YTHDC2: variants seen among roughly 807,000 people sequenced by gnomAD.
The protein encoded by YTHDC2 is YTH N6-methyladenosine RNA binding protein C2.
In YTHDC2, 45 loss-of-function variants were observed where a neutral mutation model predicts 174.9. The ratio of observed to expected loss-of-function variants is 0.26; its 90% confidence interval spans 0.20 to 0.33. The LOEUF is 0.33. Among genes scored for constraint, YTHDC2 ranks in the 10% least tolerant of loss-of-function variants. The probability of loss-of-function intolerance (pLI) is 1.00; values close to 1 mark genes in which losing one functional copy is unlikely to be tolerated. For synonymous variants in YTHDC2, 657 were observed against 574.5 expected, an observed-to-expected ratio of 1.14 and a Z score of -2.05; for missense variants, 1,650 against 1,723.7, an observed-to-expected ratio of 0.96 and a Z score of 0.76.
At chr5:113,529,534 C>G (rs1774509864) in intron 4 of YTHDC2, among the ~76,000 whole-genome samples, 1 of 152,046 alleles carries the variant, frequency 6.6e-6, no homozygotes, top group African/African-American at 2.4e-5. Context: ...TTCTCTAAAG[C>G]TTGGGCAAGA....
chr5:113,538,636 T>A (rs965790073), intron 7 of YTHDC2, among the ~76,000 whole-genome samples: 2 of 152,178 alleles, frequency 1.3e-5, no homozygotes, highest in African/African-American at 4.8e-5. Flanking sequence ...GATACTTTCT[T>A]GATGTTGTCA....
At chr5:113,543,282 G>A (rs1458072081) in intron 10 of YTHDC2, among the ~76,000 whole-genome samples, 1 of 152,050 alleles carries the variant, frequency 6.6e-6, no homozygotes, top group African/African-American at 2.4e-5. Context: ...CTCTCAACCT[G>A]CACTTTTCTT....
intron 9 of YTHDC2, among the ~76,000 whole-genome samples, chr5:113,541,871 C>A (rs1348779048): frequency 6.6e-6 from 1 of 151,918 alleles, no homozygotes; most frequent in African/African-American, 2.4e-5. Flanking sequence ...TTATTTGGGT[C>A]ATGGAACAGC....
At chr5:113,519,953 A>G (rs1324801539) in intron 2 of YTHDC2, among the ~76,000 whole-genome samples, 1 of 152,200 alleles carries the variant, frequency 6.6e-6, no homozygotes, top group African/African-American at 2.4e-5. Flanking sequence ...TTACATAGGT[A>G]TACATGTGCC....
intron 12 of YTHDC2, among the ~76,000 whole-genome samples, chr5:113,550,021 T>C (rs1205098239): frequency 6.6e-6 from 1 of 151,804 alleles, no homozygotes; most frequent in Non-Finnish European, 1.5e-5. Context: ...AGAAAAAACA[T>C]AAGAAAATTT....
chr5:113,567,229 A>G lies in YTHDC2; in HGVS notation c.2980A>G (p.Thr994Ala), dbSNP rs1034096712. ...VHVDRENLVL[T>A]GPKEKKVRFH... ...CGTGGACAGAGAGAATCTAGTGTTGACAGGGCCAAAGGAGAAAAAAGTACG... is the reference window on the plus strand; with the variant it reads ...CGTGGACAGAGAGAATCTAGTGTTGGCAGGGCCAAAGGAGAAAAAAGTACG... Residue 994 changes from threonine to alanine, a missense_variant, in exon 22 of 30, where the codon ACA becomes GCA. By Grantham distance (58) the Thr-to-Ala change is moderately conservative. This residue lies in a region of YTHDC2 where 913 missense variants were observed against 940.4 expected (regional missense o/e 0.97). Coordinates refer to ENST00000161863, the MANE Select transcript of YTHDC2 (RefSeq NM_022828.5). 1.2e-6 allele frequency: 2 copies of G among 1,613,686 alleles called. No homozygotes were observed. The highest frequency in any genetic ancestry group is 1.7e-6 in the Non-Finnish European group (2 of 1,179,856).
chr5:113,519,985 C>G (rs900750436), intron 2 of YTHDC2, among the ~76,000 whole-genome samples: 2 of 152,102 alleles, frequency 1.3e-5, no homozygotes, highest in African/African-American at 4.8e-5. Context: ...CTGCACCTAT[C>G]AACTCATCAG....
intron 3 of YTHDC2, among the ~76,000 whole-genome samples, chr5:113,526,176 T>G (rs1438682502): frequency 6.6e-6 from 1 of 152,116 alleles, no homozygotes; most frequent in Non-Finnish European, 1.5e-5. Flanking sequence ...ATGTACATTA[T>G]TTCCTACTAC....
chr5:113,574,810 TAC>T (rs1203087110), intron 23 of YTHDC2, among the ~76,000 whole-genome samples: 2,326 of 76,670 alleles, frequency 0.03, 61 homozygotes, highest in African/African-American at 0.2. Context: ...GTAAAACTCC[TAC>T]GTTTCTGTGT....
chr5:113,582,767 G>C (rs1233859623), intron 25 of YTHDC2: 1 of 152,014 alleles, frequency 6.6e-6, no homozygotes, highest in East Asian at 1.9e-4. Context: ...AAATATAAAG[G>C]CTTAATATCA....
intron 24 of YTHDC2, among the ~76,000 whole-genome samples, chr5:113,580,889 G>C (rs537634592): frequency 6.6e-6 from 1 of 152,120 alleles, no homozygotes; most frequent in South Asian, 2.1e-4. Flanking sequence ...CCTGCTGTGT[G>C]TGTTTGTGCC....
chr5:113,544,634 A>G (rs1405066412), intron 10 of YTHDC2, among the ~76,000 whole-genome samples: 1 of 151,954 alleles, frequency 6.6e-6, no homozygotes, highest in Non-Finnish European at 1.5e-5. Flanking sequence ...GAACATATGT[A>G]TTTATGCCTG....
chr5:113,557,279 A>G (rs1374573315), intron 17 of YTHDC2, among the ~76,000 whole-genome samples: 1 of 152,168 alleles, frequency 6.6e-6, no homozygotes, highest in Non-Finnish European at 1.5e-5. Context: ...TATCATTTTC[A>G]GTAAATATTT....
intron 1 of YTHDC2, among the ~76,000 whole-genome samples, chr5:113,514,841 T>C (rs557143677): frequency 6.6e-6 from 1 of 152,302 alleles, no homozygotes; most frequent in Admixed American, 6.5e-5. Context: ...GCAAAGACAA[T>C]GGAGTTTCAT....
chr5:113,528,261 T>G (rs1012786798), intron 4 of YTHDC2, among the ~76,000 whole-genome samples: 1 of 152,226 alleles, frequency 6.6e-6, no homozygotes, highest in African/African-American at 2.4e-5. Context: ...TGAATTTAAT[T>G]CGTAAATATT....
chr5:113,521,750 A>G (rs1042136047), intron 2 of YTHDC2, among the ~76,000 whole-genome samples: 26 of 151,462 alleles, frequency 1.7e-4, no homozygotes, highest in Admixed American at 1.0e-3. Context: ...AAAAGAAAAA[A>G]AACCCAGAAA....
chr5:113,568,097 T>C (rs1216705391), intron 23 of YTHDC2, among the ~76,000 whole-genome samples: 1 of 152,124 alleles, frequency 6.6e-6, no homozygotes, highest in Non-Finnish European at 1.5e-5. Flanking sequence ...AAATTTTTCT[T>C]TTCCACTTGA....
At position 113,594,441 on chromosome 5, in the gene YTHDC2, C is replaced by T. The variant is rs553351355; in HGVS notation, c.*967C>T. 12 of 152,242 alleles carry T rather than the reference C, an allele frequency of 7.9e-5. No individual in the cohort carries two copies. Among genetic ancestry groups the T allele is most frequent in the South Asian group, 6.2e-4 (3 of 4,830 alleles). 9.4% of individuals were successfully genotyped at this position (152,242 alleles called of 1,614,324 possible). A position where few individuals can be genotyped will look rare whatever the true frequency, so the allele number is the denominator to read the frequency against. On this transcript the variant is annotated 3_prime_UTR_variant, in exon 30 of 30. Transcript: ENST00000161863. ...CTGCAAGCGCCACAATTCTAAGTGC[C>T]GCCTTCCATTTTTTTTCAGTATGTT...
At chr5:113,514,196 C>A in intron 1 of YTHDC2, 114 bp downstream of exon 1, 1 of 1,345,498 alleles carries the variant, frequency 7.4e-7, no homozygotes, top group South Asian at 1.3e-5. Context: ...GAGGGAAGAC[C>A]CGGGCCACCG....
Sources: gnomAD v4.1 joint callset for allele counts (sites outside exome capture counted in the v4.1 genomes callset) on GRCh38, gnomAD v4.1.1 for gene constraint, gnomAD v4.1.1 regional missense constraint, MANE v1.5 for transcripts, NCBI Gene and HGNC (gene_info 2026-07-23, HGNC 2026-07-21) for gene names.